RBFOX1: variants seen among roughly 807,000 people sequenced by gnomAD.
The protein encoded by RBFOX1 is RNA binding fox-1 homolog 1.
In RBFOX1, 8 loss-of-function variants were observed where a neutral mutation model predicts 57.7. The ratio of observed to expected loss-of-function variants is 0.14; its 90% CI spans 0.08 to 0.25. The LOEUF (loss-of-function observed/expected upper bound fraction) is 0.25, where lower values mean the gene tolerates loss of function less well. Among genes scored for constraint, RBFOX1 ranks in the 10% least tolerant of loss-of-function variants. RBFOX1 has a pLI of 1.00. For missense variants in RBFOX1, 611 were observed against 548.5 expected, an observed-to-expected ratio of 1.11 and a Z score of -1.14; for synonymous variants, 326 against 222.4, an observed-to-expected ratio of 1.47 and a Z score of -4.15.
At chr16:5,475,661 A>G (rs981197861) in intron 2 of RBFOX1, among the ~76,000 whole-genome samples, 14 of 152,220 alleles carry the variant, frequency 9.2e-5, no homozygotes, top group African/African-American at 3.4e-4. Flanking sequence ...AATCTTTGTG[A>G]CAACCCAGTG....
At chr16:5,747,961 G>A (rs2053051804) in intron 3 of RBFOX1, among the ~76,000 whole-genome samples, 1 of 152,030 alleles carries the variant, frequency 6.6e-6, no homozygotes, top group Non-Finnish European at 1.5e-5. Context: ...TTTTAATTGT[G>A]ATGTTAGGGT....
At chr16:6,157,823 C>G (rs963192969) in intron 1 of RBFOX1, among the ~76,000 whole-genome samples, 11 of 152,160 alleles carry the variant, frequency 7.2e-5, no homozygotes, top group Admixed American at 4.6e-4. Context: ...AGATAATTAT[C>G]AGCAATGTTA....
intron 2 of RBFOX1, among the ~76,000 whole-genome samples, chr16:6,498,393 TAG>T (rs906172577): frequency 6.6e-6 from 1 of 152,132 alleles, no homozygotes; most frequent in African/African-American, 2.4e-5. Flanking sequence ...ATTTCGTTAA[TAG>T]AGGAACAATA....
chr16:6,127,277 CT>C (rs567515900), intron 1 of RBFOX1, among the ~76,000 whole-genome samples: 5 of 147,542 alleles, frequency 3.4e-5, no homozygotes, highest in African/African-American at 1.0e-4. Flanking sequence ...TTGTCTCTCT[CT>C]TTTTTTAAAA....
At chr16:5,321,586 G>A (rs1231199641) in intron 1 of RBFOX1, among the ~76,000 whole-genome samples, 2 of 152,116 alleles carry the variant, frequency 1.3e-5, no homozygotes, top group African/African-American at 4.8e-5. Flanking sequence ...CAAAGTGCTG[G>A]GATTACAGGC....
chr16:6,450,695 C>A (rs1156325644), intron 2 of RBFOX1, among the ~76,000 whole-genome samples: 3 of 136,228 alleles, frequency 2.2e-5, no homozygotes, highest in African/African-American at 5.5e-5. Flanking sequence ...CAATATGAAG[C>A]AAATTAATCC....
At chr16:5,939,412 G>C (rs760834230) in intron 4 of RBFOX1, among the ~76,000 whole-genome samples, 79 of 152,226 alleles carry the variant, frequency 5.2e-4, no homozygotes, top group Non-Finnish European at 2.1e-4. Context: ...CTGAAGGTCT[G>C]ACTGGGACTG....
At chr16:6,370,847 A>G (rs1050796297) in intron 2 of RBFOX1, among the ~76,000 whole-genome samples, 1 of 152,200 alleles carries the variant, frequency 6.6e-6, no homozygotes, top group African/African-American at 2.4e-5. Context: ...TGTAATGTAT[A>G]TTTTGCTACA....
chr16:5,513,823 A>T (rs564036303), intron 2 of RBFOX1, among the ~76,000 whole-genome samples: 1 of 152,196 alleles, frequency 6.6e-6, no homozygotes, highest in Non-Finnish European at 1.5e-5. Flanking sequence ...AAATGTGATC[A>T]TCAGGGCTAG....
chr16:7,696,303 C>T (rs1011028066), intron 14 of RBFOX1, among the ~76,000 whole-genome samples: 5 of 152,178 alleles, frequency 3.3e-5, no homozygotes, highest in African/African-American at 1.2e-4. Flanking sequence ...CCTCCTAATG[C>T]ATCCAGCTTG....
intron 3 of RBFOX1, among the ~76,000 whole-genome samples, chr16:6,808,953 A>C (rs993423227): frequency 6.6e-6 from 1 of 152,224 alleles, no homozygotes; most frequent in Non-Finnish European, 1.5e-5. Context: ...CTGTACTTCT[A>C]TATTTGAGTC....
intron 2 of RBFOX1, among the ~76,000 whole-genome samples, chr16:6,444,939 G>A (rs570957119): frequency 6.6e-5 from 10 of 152,254 alleles, no homozygotes; most frequent in African/African-American, 2.4e-4. Context: ...TGAAGGCTGA[G>A]TGGAGAATGG....
intron 2 of RBFOX1, among the ~76,000 whole-genome samples, chr16:6,449,496 G>C (rs2094548644): frequency 6.6e-6 from 1 of 152,176 alleles, no homozygotes; most frequent in Non-Finnish European, 1.5e-5. Flanking sequence ...GAGTCTAAGA[G>C]CTGAGTGGTT....
At chr16:5,272,426 G>T (rs922367279) in intron 1 of RBFOX1, among the ~76,000 whole-genome samples, 3 of 152,150 alleles carry the variant, frequency 2.0e-5, no homozygotes, top group Non-Finnish European at 4.4e-5. Flanking sequence ...ATGCACCAAG[G>T]CTGTTGCTCT....
At chr16:5,470,354 TA>T (rs2069093624) in intron 2 of RBFOX1, among the ~76,000 whole-genome samples, 1 of 152,258 alleles carries the variant, frequency 6.6e-6, no homozygotes, top group African/African-American at 2.4e-5. Flanking sequence ...GTCCCTGGTA[TA>T]CCCCCTTTTC....
intron 4 of RBFOX1, among the ~76,000 whole-genome samples, chr16:7,180,020 G>A (rs1211735168): frequency 6.6e-6 from 1 of 152,034 alleles, no homozygotes; most frequent in African/African-American, 2.4e-5. Context: ...TGGAAATATA[G>A]GCTTGAGCCA....
At chr16:7,586,043 G>T in intron 6 of RBFOX1, among the ~76,000 whole-genome samples, 1 of 152,122 alleles carries the variant, frequency 6.6e-6, no homozygotes, top group East Asian at 1.9e-4. Context: ...CCAGAATGCA[G>T]AAGTGAATGG....
chr16:5,500,422 T>G (rs909221536), intron 2 of RBFOX1, among the ~76,000 whole-genome samples: 1 of 151,938 alleles, frequency 6.6e-6, no homozygotes, highest in Non-Finnish European at 1.5e-5. Flanking sequence ...GAAGTCTCCT[T>G]ATGTTGCCCA....
rs553121858 is a variant in RBFOX1, at chr16:7,433,214, G to A, written c.28-84933G>A. Among the ~76,000 whole-genome samples the A allele has an allele frequency of 6.6e-5, 10 of 152,192 alleles. No individual in the cohort carries two copies. The South Asian group carries it at 2.1e-3, about 32-fold the overall frequency. The stretch of plus-strand genomic sequence containing the variant: ...CTATAAAATCTCTTGTCTTTAATAT[G>A]CAAAAAGGTTTTCTTGCCTCTTCTA... On this transcript the variant is annotated intron_variant, in intron 4 of 15. Transcript: ENST00000550418.
Sources: allele counts gnomAD v4.1 joint callset (sites outside exome capture counted in the v4.1 genomes callset), GRCh38; gene constraint gnomAD v4.1.1; transcripts MANE v1.5; gene names NCBI Gene and HGNC (gene_info 2026-07-23, HGNC 2026-07-21).